The following IQSEC3 variants were observed in gnomAD, a reference collection of about 807,000 sequenced individuals.
The protein encoded by IQSEC3 is IQ motif and SEC7 domain-containing protein 3.
In IQSEC3, 50 loss-of-function variants were observed where a neutral mutation model predicts 105.4. That is an observed-to-expected ratio of 0.47 (90% CI 0.38 to 0.60). The LOEUF (loss-of-function observed/expected upper bound fraction) is 0.60. Ranked by LOEUF, IQSEC3 falls within the 20% of genes least tolerant of loss-of-function variation. IQSEC3 has a pLI of 0.00. For missense variants in IQSEC3, 1,415 were observed against 1,630.0 expected (o/e 0.87, Z 2.27); for synonymous variants, 708 against 746.0 (o/e 0.95, Z 0.83).
At chr12:126,544 G>GGTGTGTGT (rs56871643) in intron 3 of IQSEC3, among the ~76,000 whole-genome samples, 10,585 of 145,706 alleles carry the variant, frequency 0.073, 415 homozygotes, top group East Asian at 0.091. Flanking sequence ...CTTGATGGAA[G>GGTGTGTGT]GTGTGTGTGT....
intron 2 of IQSEC3, among the ~76,000 whole-genome samples, chr12:110,930 A>T (rs1390635678): frequency 3.3e-5 from 5 of 152,128 alleles, no homozygotes; most frequent in Non-Finnish European, 7.3e-5. Context: ...TCCTTCTTAC[A>T]TTGTTCTAAT....
At chr12:106,904 A>C (rs1555078050) in intron 2 of IQSEC3, 1 of 152,266 alleles carries the variant, frequency 6.6e-6, no homozygotes, top group South Asian at 2.1e-4. Flanking sequence ...AAGGGTTTTT[A>C]ATTTGTTTCA....
intron 1 of IQSEC3, among the ~76,000 whole-genome samples, chr12:80,369 G>T (rs1472566716): frequency 6.6e-6 from 1 of 152,206 alleles, no homozygotes; most frequent in African/African-American, 2.4e-5. Flanking sequence ...AGCTGAAGGT[G>T]AGTCCTACAA....
intron 1 of IQSEC3, among the ~76,000 whole-genome samples, chr12:74,502 T>C (rs1555068477): frequency 6.6e-6 from 1 of 152,282 alleles, no homozygotes; most frequent in Admixed American, 6.5e-5. Flanking sequence ...TGTTTTGCTG[T>C]TGCTCTTTGG....
chr12:81,810 A>C (rs1406619883), intron 1 of IQSEC3, among the ~76,000 whole-genome samples: 3 of 152,190 alleles, frequency 2.0e-5, no homozygotes, highest in Admixed American at 6.5e-5. Context: ...TGCACACAAC[A>C]CTAAAAGGTG....
At chr12:107,071 G>A (rs1322729429) in intron 2 of IQSEC3, among the ~76,000 whole-genome samples, 1 of 152,128 alleles carries the variant, frequency 6.6e-6, no homozygotes, top group Non-Finnish European at 1.5e-5. Context: ...AAAACAGGAA[G>A]GACAGCTGCC....
At position 67,027 on chromosome 12, in the gene IQSEC3, G is replaced by A; in HGVS notation, c.145G>A (p.Glu49Lys). The change falls in exon 1 of 14, where the codon GAG (glutamate) becomes AAG (lysine). Residue 49 changes from glutamate (E) to lysine (K), a missense_variant. Around this residue, in one of 6 missense-constraint regions of IQSEC3, gnomAD observed 34 missense variants for 80.3 expected, o/e 0.42. Transcript: ENST00000538872. ...LERRLDELSA[E>K]NRSLWEHQQL... ...GCGGCGGCTGGACGAGCTGAGCGCT[G>A]AGAACCGCAGCCTGTGGGAGCACCA... 1 of 1,532,692 alleles carries A rather than the reference G, an allele frequency of 6.5e-7. No individual in the cohort carries two copies. 94.9% of individuals were successfully genotyped at this position (1,532,692 alleles called of 1,614,324 possible).
chr12:147,240 G>T (rs782751922), intron 5 of IQSEC3, among the ~76,000 whole-genome samples: 2 of 152,162 alleles, frequency 1.3e-5, no homozygotes, highest in Non-Finnish European at 2.9e-5. Context: ...GGGCAGGGCT[G>T]TCATATCTCC....
intron 1 of IQSEC3, among the ~76,000 whole-genome samples, chr12:77,932 G>A (rs1392279515): frequency 3.3e-5 from 5 of 151,684 alleles, no homozygotes; most frequent in Non-Finnish European, 7.4e-5. Context: ...CAGGCGAGAA[G>A]GAATCTCCCG....
At chr12:93,271 C>G (rs1423121647) in intron 1 of IQSEC3, among the ~76,000 whole-genome samples, 2 of 152,202 alleles carry the variant, frequency 1.3e-5, no homozygotes, top group Non-Finnish European at 2.9e-5. Context: ...CAAGCCAGCC[C>G]TCCTGAGGTA....
chr12:124,389 CAAA>C (rs55767927), intron 2 of IQSEC3, among the ~76,000 whole-genome samples: 1 of 124,968 alleles, frequency 8.0e-6, no homozygotes. Flanking sequence ...AACTCCATCT[CAAA>C]AAAAAAAAAA....
At chr12:71,742 T>C (rs1330512283) in intron 1 of IQSEC3, among the ~76,000 whole-genome samples, 1 of 152,284 alleles carries the variant, frequency 6.6e-6, no homozygotes, top group Non-Finnish European at 1.5e-5. Context: ...ACACAGGGAC[T>C]TTGTCTACCT....
Position 161,913 on chromosome 12 carries a change from T to C in IQSEC3, c.2444-13T>C, listed in dbSNP as rs1006093836. On this transcript the variant is annotated splice_polypyrimidine_tract_variant and intron_variant, in intron 7 of 13. Coordinates refer to ENST00000538872, the MANE Select transcript of IQSEC3 (RefSeq NM_001170738.2). ...CAACCCCACCACCACCCCTGCCCACTCCACGTTGTTAGGTGTGGACGATGG... is the reference window on the plus strand; with the variant it reads ...CAACCCCACCACCACCCCTGCCCACCCCACGTTGTTAGGTGTGGACGATGG... 2.7e-6 allele frequency: 3 copies of C among 1,114,968 alleles called. No individual in the cohort carries two copies. The highest frequency in any genetic ancestry group is 3.8e-6 in the Non-Finnish European group (3 of 796,304). The allele number at this position is 1,114,968 out of a possible 1,614,324, so 69.1% of individuals were successfully genotyped here. A position where few individuals can be genotyped will look rare whatever the true frequency, so the allele number is the denominator to read the frequency against.
At chr12:104,539 C>T (rs1864573825) in intron 2 of IQSEC3, among the ~76,000 whole-genome samples, 1 of 150,876 alleles carries the variant, frequency 6.6e-6, no homozygotes, top group African/African-American at 2.4e-5. Flanking sequence ...TTGGGTTTTA[C>T]GTCCTTCCCA....
At position 152,327 on chromosome 12, in the gene IQSEC3, G is replaced by A. The variant is rs561165050; in HGVS notation, c.2154-4698G>A. 2.0e-5 allele frequency among the ~76,000 whole-genome samples: 3 copies of A among 152,262 alleles called. No individual in the cohort carries two copies. Among genetic ancestry groups the A allele is most frequent in the South Asian group, 4.2e-4 (2 of 4,814 alleles). On this transcript the variant is annotated intron_variant, in intron 5 of 13. Transcript: ENST00000538872. This position sits in a 1 kb window ranked among gnomAD's most constrained non-coding sequence, Gnocchi z 4.8. ...GGCTCTCCTGTGTAACTGTGTCCAC[G>A]GGCTTCTCCTTGGCCTCTCACAGGT...
rs781936402 is a variant in IQSEC3 at position 99,159 on chromosome 12, C to T, written c.568C>T (p.Leu190=). ...LSRRPENETV[L]HQFCCPAADA... is the part of the protein sequence containing the mutation. ...CTCTGCCCGCAGGAATGAGACCGTG[C>T]TGCACCAGTTCTGCTGCCCAGCCGC... The change falls in exon 2 of 14, where the codon CTG becomes TTG. Residue 190 remains leucine, a synonymous_variant. Coordinates refer to ENST00000538872, the MANE Select transcript of IQSEC3 (RefSeq NM_001170738.2). 1 of 1,598,922 alleles carries T rather than the reference C, an allele frequency of 6.3e-7. No individual in the cohort carries two copies. Among genetic ancestry groups the T allele is most frequent in the Non-Finnish European group, 8.5e-7 (1 of 1,179,720 alleles).
chr12:69,188 G>C (rs2650186), intron 1 of IQSEC3, among the ~76,000 whole-genome samples: 6 of 152,254 alleles, frequency 3.9e-5, no homozygotes, highest in Non-Finnish European at 7.3e-5. Context: ...GGTGTCTCCT[G>C]TCTCTCCCAC....
chr12:127,970 G>T (rs186663892), intron 3 of IQSEC3, among the ~76,000 whole-genome samples: 20 of 152,198 alleles, frequency 1.3e-4, no homozygotes, highest in Non-Finnish European at 2.5e-4. Context: ...TCTGCCATGA[G>T]CTGTATGGCC....
chr12:105,452 A>G (rs958360029), intron 2 of IQSEC3, among the ~76,000 whole-genome samples: 1 of 152,096 alleles, frequency 6.6e-6, no homozygotes, highest in Non-Finnish European at 1.5e-5. Flanking sequence ...GGGCTTTGAG[A>G]GCAGGTGTGC....
Sources: gnomAD v4.1 joint callset for allele counts (sites outside exome capture counted in the v4.1 genomes callset) on GRCh38, gnomAD v4.1.1 for gene constraint, gnomAD v4.1.1 regional missense constraint, Gnocchi (gnomAD v3.1) non-coding constraint, MANE v1.5 for transcripts, NCBI Gene and HGNC (gene_info 2026-07-23, HGNC 2026-07-21) for gene names.